The following LRP1B variants were observed in gnomAD, a reference collection of about 807,000 sequenced individuals.
The protein encoded by LRP1B is low-density lipoprotein receptor-related protein 1B.
In LRP1B, 217 loss-of-function variants were observed where a neutral mutation model predicts 556.6. That is an observed-to-expected ratio of 0.39 (90% CI 0.35 to 0.44). LRP1B has a LOEUF of 0.44. LRP1B is among the 20% of genes least tolerant of loss of function. LRP1B has a pLI of 1.00. For synonymous variants in LRP1B, 2,047 were observed against 1,865.8 expected (o/e 1.10, Z -2.50); for missense variants, 5,053 against 5,620.8 (o/e 0.90, Z 3.23).
chr2:141,489,549 T>A (rs16846233), intron 2 of LRP1B, among the ~76,000 whole-genome samples: 4,800 of 151,988 alleles, frequency 0.032, 276 homozygotes, highest in African/African-American at 0.11. Context: ...AATTAGTATA[T>A]AATATAAAGA....
intron 1 of LRP1B, among the ~76,000 whole-genome samples, chr2:142,024,873 T>A (rs1703455545): frequency 6.6e-6 from 1 of 152,102 alleles, no homozygotes; most frequent in African/African-American, 2.4e-5. Flanking sequence ...TCCATTTGAT[T>A]ATTCAAAAAC....
chr2:141,541,448 A>G (rs1231180994), intron 2 of LRP1B, among the ~76,000 whole-genome samples: 1 of 152,084 alleles, frequency 6.6e-6, no homozygotes, highest in African/African-American at 2.4e-5. Flanking sequence ...CTTCATATTC[A>G]TAGTTAACTA....
chr2:140,461,729 G>A (rs1043240530), intron 60 of LRP1B, among the ~76,000 whole-genome samples: 4 of 151,932 alleles, frequency 2.6e-5, no homozygotes, highest in East Asian at 3.9e-4. Context: ...AACTACTCAG[G>A]AGACTGAGGC....
rs1033710599 is a variant in LRP1B, at chr2:140,345,312, T to C, written c.11892+5485A>G. On this transcript the variant is annotated intron_variant, in intron 77 of 90. Coordinates refer to ENST00000389484, the MANE Select transcript of LRP1B (RefSeq NM_018557.3). ...AATGAATCTCTGCCATGAAATTTGT[T>C]GAACACTTCTTTGTCCTCATTCACT... Among the ~76,000 whole-genome samples the C allele has an allele frequency of 4.0e-5, 6 of 151,786 alleles. No individual in the cohort carries two copies. In the East Asian group the frequency reaches 9.7e-4, roughly 25 times the overall value.
intron 44 of LRP1B, among the ~76,000 whole-genome samples, chr2:140,541,468 A>C (rs1198375349): frequency 7.9e-5 from 12 of 152,112 alleles, no homozygotes; most frequent in Admixed American, 5.9e-4. Flanking sequence ...TGAAAATCTG[A>C]AGTTATGAAG....
chr2:140,899,591 T>C (rs1374225007), intron 23 of LRP1B, among the ~76,000 whole-genome samples: 3 of 152,226 alleles, frequency 2.0e-5, no homozygotes, highest in Admixed American at 2.0e-4. Flanking sequence ...GTATGGTTAA[T>C]CTAAGGATTT....
At chr2:141,319,138 A>G (rs1687135067) in intron 3 of LRP1B, among the ~76,000 whole-genome samples, 1 of 152,058 alleles carries the variant, frequency 6.6e-6, no homozygotes, top group Non-Finnish European at 1.5e-5. Flanking sequence ...TAAGGACTAT[A>G]TTGTGTATTT....
At chr2:141,066,645 T>C (rs1463316993) in intron 7 of LRP1B, among the ~76,000 whole-genome samples, 2 of 152,002 alleles carry the variant, frequency 1.3e-5, no homozygotes, top group Non-Finnish European at 2.9e-5. Flanking sequence ...GTTCTGTCCA[T>C]GTCCTTTAAC....
At chr2:141,196,932 T>A (rs1681777309) in intron 6 of LRP1B, among the ~76,000 whole-genome samples, 1 of 152,112 alleles carries the variant, frequency 6.6e-6, no homozygotes, top group South Asian at 2.1e-4. Flanking sequence ...GCAAGGTATC[T>A]CACCTTGAAC....
chr2:141,062,397 A>G lies in LRP1B; in HGVS notation c.1014-124T>C, dbSNP rs183226750. On this transcript the variant is annotated intron_variant, in intron 7 of 90. Transcript: ENST00000389484. ...TTCAGTGATTACATCTGTTGGCTTC[A>G]TATAACCATTTCCTTATAATATCAC... is the stretch of plus-strand genomic sequence containing the variant. 86 of 620,756 alleles carry G rather than the reference A, an allele frequency of 1.4e-4. No homozygotes were observed. In the Admixed American group the frequency reaches 1.8e-3, roughly 13 times the overall value. The allele number at this position is 620,756 out of a possible 1,614,324, so 38.5% of individuals were successfully genotyped here. A position where few individuals can be genotyped will look rare whatever the true frequency, so the allele number is the denominator to read the frequency against.
chr2:141,207,174 G>C (rs1213798946), intron 6 of LRP1B, among the ~76,000 whole-genome samples: 1 of 152,116 alleles, frequency 6.6e-6, no homozygotes, highest in Non-Finnish European at 1.5e-5. Context: ...ACAATTTTAA[G>C]AGCATGCTAT....
At chr2:141,135,889 T>C (rs1464264319) in intron 7 of LRP1B, among the ~76,000 whole-genome samples, 1 of 151,840 alleles carries the variant, frequency 6.6e-6, no homozygotes, top group Non-Finnish European at 1.5e-5. Context: ...CCAAGCAAAA[T>C]ATAATTAAGG....
chr2:141,628,181 A>G (rs1246884996), intron 2 of LRP1B, among the ~76,000 whole-genome samples: 1 of 152,092 alleles, frequency 6.6e-6, no homozygotes, highest in Non-Finnish European at 1.5e-5. Context: ...CCAACAACCA[A>G]ATGCTACTTT....
At chr2:141,318,932 C>T (rs774215727) in intron 3 of LRP1B, among the ~76,000 whole-genome samples, 14 of 151,898 alleles carry the variant, frequency 9.2e-5, no homozygotes, top group East Asian at 1.9e-4. Flanking sequence ...ATTAGAATCC[C>T]GAGAGAACAG....
intron 1 of LRP1B, among the ~76,000 whole-genome samples, chr2:141,917,370 T>C (rs1294224897): frequency 6.6e-6 from 1 of 152,142 alleles, no homozygotes; most frequent in Admixed American, 6.5e-5. Context: ...GTGTAGATAC[T>C]ACAAGTATCC....
intron 2 of LRP1B, among the ~76,000 whole-genome samples, chr2:141,729,282 C>T (rs866376104): frequency 3.2e-4 from 48 of 152,002 alleles, no homozygotes; most frequent in African/African-American, 1.0e-3. Context: ...AAACTTCAAA[C>T]AAAAATGCTT....
intron 3 of LRP1B, among the ~76,000 whole-genome samples, chr2:141,256,406 G>A (rs1236948325): frequency 6.6e-6 from 1 of 152,004 alleles, no homozygotes; most frequent in Non-Finnish European, 1.5e-5. Context: ...TGGAATTGCT[G>A]TTTGGAGCCA....
At chr2:141,660,484 C>T (rs568559997) in intron 2 of LRP1B, among the ~76,000 whole-genome samples, 8 of 152,214 alleles carry the variant, frequency 5.3e-5, no homozygotes, top group East Asian at 3.9e-4. Flanking sequence ...AGTTCCCCCC[C>T]GCTGGTGCCG....
chr2:141,603,459 T>C (rs189553052), intron 2 of LRP1B, among the ~76,000 whole-genome samples: 3 of 152,288 alleles, frequency 2.0e-5, no homozygotes, highest in Admixed American at 2.0e-4. Context: ...CATATTTCCA[T>C]AATACAGCTT....
Sources: allele counts gnomAD v4.1 joint callset (sites outside exome capture counted in the v4.1 genomes callset), GRCh38; gene constraint gnomAD v4.1.1; transcripts MANE v1.5; gene names NCBI Gene and HGNC (gene_info 2026-07-23, HGNC 2026-07-21).